ABCC1: variants seen among roughly 807,000 people sequenced by gnomAD.
ABCC1 encodes the protein ATP binding cassette subfamily C member 1 (ABCC1 blood group).
In ABCC1, 83 loss-of-function variants were observed where a neutral mutation model predicts 172.9. The ratio of observed to expected loss-of-function variants is 0.48; its 90% CI spans 0.40 to 0.58. The LOEUF (loss-of-function observed/expected upper bound fraction) is 0.58. Among genes scored for constraint, ABCC1 ranks in the 20% least tolerant of loss-of-function variants. ABCC1 has a pLI of 0.00. For missense variants in ABCC1, 1,817 were observed against 2,002.7 expected (o/e 0.91, Z 1.77); for synonymous variants, 937 against 825.2 (o/e 1.14, Z -2.32).
chr16:15,992,082 C>T (rs975553435), intron 1 of ABCC1, among the ~76,000 whole-genome samples: 8 of 152,190 alleles, frequency 5.3e-5, no homozygotes, highest in South Asian at 2.1e-4. Context: ...GCATTAGATT[C>T]TCATAGGAGC....
rs201327769 is a variant in ABCC1 at position 16,125,886 on chromosome 16, A to G, written c.3794A>G (p.Lys1265Arg). The part of the protein sequence containing the change: ...ETNIVAVERL[K>R]EYSETEKEAP... ...AACATCGTGGCCGTGGAGAGGCTCA[A>G]GGAGTATTCAGAGACTGAGAAGGAG... Residue 1265 changes from lysine to arginine, a missense_variant, in exon 26 of 31, where the codon AAG becomes AGG. By Grantham distance (26) the Lys-to-Arg change is conservative. This residue lies in a region of ABCC1 where 1,412 missense variants were observed against 1,600.3 expected (regional missense o/e 0.88). Coordinates refer to ENST00000399410, the MANE Select transcript of ABCC1 (RefSeq NM_004996.4). The G allele has an allele frequency of 7.4e-6, 12 of 1,614,082 alleles. No homozygotes were observed. The highest frequency in any genetic ancestry group is 4.0e-5 in the African/African-American group (3 of 75,036).
intron 6 of ABCC1, among the ~76,000 whole-genome samples, chr16:16,034,138 C>G (rs955136274): frequency 6.9e-6 from 1 of 145,390 alleles, no homozygotes; most frequent in Non-Finnish European, 1.5e-5. Context: ...GGTGATGCTC[C>G]TGCCTCAGCC....
rs1308578698 is a variant in ABCC1, at chr16:16,111,577, C to T, written c.3074C>T (p.Ser1025Leu). 6.2e-7 allele frequency: 1 copy of T among 1,612,728 alleles called. No homozygotes were observed. The highest frequency in any genetic ancestry group is 1.1e-5 in the South Asian group (1 of 90,974). The change falls in exon 22 of 31, where the codon TCA becomes TTA. Residue 1025 changes from serine (S) to leucine (L), a missense_variant. Ser to Leu is a moderately radical substitution (Grantham distance 145, BLOSUM62 -2). Coordinates refer to ENST00000399410, the MANE Select transcript of ABCC1 (RefSeq NM_004996.4). ...RLSVYGALGISQGIAVFGYSM... is the reference protein window; with the variant it reads ...RLSVYGALGILQGIAVFGYSM... ...AGCGTCTATGGAGCCCTGGGCATTT[C>T]ACAAGGTTGGTGCCGCTGTCTCCCA...
intron 12 of ABCC1, among the ~76,000 whole-genome samples, chr16:16,065,684 T>A (rs1451421139): frequency 6.6e-6 from 1 of 152,142 alleles, no homozygotes; most frequent in Non-Finnish European, 1.5e-5. Context: ...CCACCTGCCT[T>A]GGCCTCCCAA....
chr16:16,114,708 G>A, intron 22 of ABCC1, 58 bp from the exon 23 acceptor site: 1 of 1,515,870 alleles, frequency 6.6e-7, no homozygotes, highest in Non-Finnish European at 8.9e-7. Flanking sequence ...ACTCCTCCCT[G>A]CAGTGCCTGG....
At chr16:16,032,711 C>T (rs1183939104) in intron 5 of ABCC1, among the ~76,000 whole-genome samples, 1 of 152,082 alleles carries the variant, frequency 6.6e-6, no homozygotes, top group Non-Finnish European at 1.5e-5. Flanking sequence ...ATGAGGTTGT[C>T]GTGGGGATAT....
chr16:16,126,014 C>T (rs1291023540), intron 26 of ABCC1, 103 bp downstream of exon 26: 4 of 740,414 alleles, frequency 5.4e-6, no homozygotes, highest in African/African-American at 1.8e-5. Context: ...GAGCTGGATA[C>T]CTCACCAGGT....
At chr16:16,014,052 A>T (rs2151753488) in intron 3 of ABCC1, among the ~76,000 whole-genome samples, 1 of 152,326 alleles carries the variant, frequency 6.6e-6, no homozygotes, top group East Asian at 1.9e-4. Flanking sequence ...ATTCATTAAC[A>T]TCTTGTCTAT....
At position 16,090,632 on chromosome 16, in the gene ABCC1, C is replaced by G; in HGVS notation, c.2644+44C>G. On this transcript the variant is annotated intron_variant, in intron 19 of 30. Coordinates refer to ENST00000399410, the MANE Select transcript of ABCC1 (RefSeq NM_004996.4). The stretch of plus-strand genomic sequence containing the variant: ...TTCCACCCACTCAGGGTGTCTGGCA[C>G]CTTGAAGGGCCACATTGGCCTCTTT... The G allele has an allele frequency of 2.7e-6, 4 of 1,507,764 alleles. No homozygotes were observed. In the South Asian group the frequency reaches 5.3e-5, roughly 20 times the overall value. 93.4% of individuals were successfully genotyped at this position (1,507,764 alleles called of 1,614,324 possible).
At position 16,043,220 on chromosome 16, in the gene ABCC1, C is replaced by CCGTTT. The variant is rs1437069469; in HGVS notation, c.810-1230_810-1229insCGTTT. 3.9e-4 allele frequency among the ~76,000 whole-genome samples: 36 copies of CCGTTT among 93,172 alleles called. 1 individual carries two copies. The highest frequency in any genetic ancestry group is 2.0e-3 in the African/African-American group (34 of 16,586). The allele number at this position is 93,172 out of a possible 152,430, so 61.1% of individuals were successfully genotyped here. A position where few individuals can be genotyped will look rare whatever the true frequency, so the allele number is the denominator to read the frequency against. ...TGCTGTGTTGCTCTGGCTGGCTGGA[C>CCGTTT]TGTTTTTTTTTTTTTTTTTTTTTCC... On this transcript the variant is annotated intron_variant, in intron 7 of 30. Transcript: ENST00000399410.
At chr16:16,036,625 C>T in intron 7 of ABCC1, 22 bp downstream of exon 7, 1 of 1,610,938 alleles carries the variant, frequency 6.2e-7, no homozygotes, top group Non-Finnish European at 8.5e-7. Flanking sequence ...TTTCCTTGTC[C>T]TCCAGGATGC....
intron 1 of ABCC1, among the ~76,000 whole-genome samples, chr16:15,958,137 G>A (rs565830689): frequency 4.0e-5 from 6 of 151,774 alleles, no homozygotes; most frequent in Admixed American, 1.3e-4. Flanking sequence ...ACGAAGTCTC[G>A]CTCTGTCACC....
rs200635634 is a variant in ABCC1, at chr16:15,958,041, C to T, written c.48+8242C>T. 3.9e-4 allele frequency among the ~76,000 whole-genome samples: 59 copies of T among 152,296 alleles called. 1 individual carries two copies. In the East Asian group the frequency reaches 7.5e-3, roughly 19 times the overall value. On this transcript the variant is annotated intron_variant, in intron 1 of 30. Transcript: ENST00000399410. ...CCGTTTCTGAGTTGCTCCAGTTTGC[C>T]GCAGTCCCCACCCCTCCCTGTTGTT...
intron 1 of ABCC1, among the ~76,000 whole-genome samples, chr16:15,998,423 G>A (rs564266417): frequency 6.6e-6 from 1 of 152,062 alleles, no homozygotes; most frequent in Non-Finnish European, 1.5e-5. Flanking sequence ...CACTGTGCCC[G>A]GTCCTCAGAT....
At chr16:15,998,199 A>G (rs1314558686) in intron 1 of ABCC1, among the ~76,000 whole-genome samples, 1 of 151,544 alleles carries the variant, frequency 6.6e-6, no homozygotes, top group East Asian at 1.9e-4. Flanking sequence ...ATCAAAGCTC[A>G]CTGCAGCCTC....
chr16:16,004,926 A>C (rs1199785512), intron 1 of ABCC1, among the ~76,000 whole-genome samples: 1 of 151,944 alleles, frequency 6.6e-6, no homozygotes, highest in Non-Finnish European at 1.5e-5. Flanking sequence ...AGGCCTCCCA[A>C]AGTGCTGGGA....
At chr16:15,955,096 C>T (rs2045960713) in intron 1 of ABCC1, among the ~76,000 whole-genome samples, 1 of 152,190 alleles carries the variant, frequency 6.6e-6, no homozygotes, top group Non-Finnish European at 1.5e-5. Flanking sequence ...TGGCTCATGC[C>T]TGTAATCCTG....
chr16:16,030,057 GTT>G (rs774176007), intron 5 of ABCC1, among the ~76,000 whole-genome samples: 10 of 152,116 alleles, frequency 6.6e-5, no homozygotes, highest in Non-Finnish European at 1.3e-4. Flanking sequence ...ATAAATGACT[GTT>G]TTCCTCAGGG....
intron 1 of ABCC1, among the ~76,000 whole-genome samples, chr16:15,976,498 C>G (rs1288398490): frequency 6.6e-6 from 1 of 152,078 alleles, no homozygotes; most frequent in Non-Finnish European, 1.5e-5. Context: ...GAAACCCAGG[C>G]AGTCTGTCTC....
Sources: gnomAD v4.1 joint callset for allele counts (sites outside exome capture counted in the v4.1 genomes callset) on GRCh38, gnomAD v4.1.1 for gene constraint, gnomAD v4.1.1 regional missense constraint, MANE v1.5 for transcripts, NCBI Gene and HGNC (gene_info 2026-07-23, HGNC 2026-07-21) for gene names.